GPC5: variants seen among roughly 807,000 people sequenced by gnomAD.
GPC5 encodes glypican 5.
A neutral mutation model predicts 53.9 loss-of-function variants in GPC5; 47 were observed. The ratio of observed to expected loss-of-function variants is 0.87; its 90% CI spans 0.69 to 1.11. The LOEUF is 1.11. GPC5 is among the 50% of genes most tolerant of loss of function. GPC5 has a pLI of 0.00. For missense variants in GPC5, 748 were observed against 713.1 expected (o/e 1.05, Z -0.56); for synonymous variants, 286 against 263.3 (o/e 1.09, Z -0.84).
chr13:92,362,489 C>A (rs1441866144), intron 7 of GPC5, among the ~76,000 whole-genome samples: 1 of 151,712 alleles, frequency 6.6e-6, no homozygotes, highest in Non-Finnish European at 1.5e-5. Flanking sequence ...AAAACTATGG[C>A]AAGATTTTGT....
chr13:92,497,997 T>G (rs1880040127), intron 7 of GPC5, among the ~76,000 whole-genome samples: 1 of 152,050 alleles, frequency 6.6e-6, no homozygotes, highest in South Asian at 2.1e-4. Flanking sequence ...GGGGCTGAGA[T>G]GATGGGGTTT....
chr13:91,758,388 A>AAATATGTTT (rs1399703679), intron 5 of GPC5, among the ~76,000 whole-genome samples: 1 of 152,072 alleles, frequency 6.6e-6, no homozygotes, highest in African/African-American at 2.4e-5. Flanking sequence ...TATATCATAT[A>AAATATGTTT]AATATGTTTA....
chr13:91,871,045 A>C (rs572120082), intron 5 of GPC5, among the ~76,000 whole-genome samples: 11 of 152,306 alleles, frequency 7.2e-5, no homozygotes, highest in African/African-American at 2.6e-4. Context: ...AGGTAATTTT[A>C]TTTTAGCCTT....
intron 2 of GPC5, among the ~76,000 whole-genome samples, chr13:91,449,177 A>G (rs1211962240): frequency 6.6e-6 from 1 of 152,122 alleles, no homozygotes; most frequent in African/African-American, 2.4e-5. Flanking sequence ...ATATACTGCT[A>G]TAGGGTTCTT....
chr13:91,419,911 G>A (rs1878492426), intron 1 of GPC5, among the ~76,000 whole-genome samples: 1 of 152,162 alleles, frequency 6.6e-6, no homozygotes, highest in Non-Finnish European at 1.5e-5. Context: ...TGGACCACAT[G>A]AAATTGTTAC....
intron 5 of GPC5, among the ~76,000 whole-genome samples, chr13:91,886,320 T>G (rs1270286900): frequency 6.6e-6 from 1 of 152,184 alleles, no homozygotes; most frequent in Non-Finnish European, 1.5e-5. Flanking sequence ...CATGATTCAA[T>G]TACCCTCCCA....
chr13:91,515,785 TC>T (rs1555317759), intron 2 of GPC5, among the ~76,000 whole-genome samples: 2 of 7,900 alleles, frequency 2.5e-4, no homozygotes, highest in Admixed American at 0.016. Flanking sequence ...TCTGTTTTAG[TC>T]TGTTTTCACG....
chr13:91,633,207 G>A (rs1318770570), intron 2 of GPC5, among the ~76,000 whole-genome samples: 1 of 152,104 alleles, frequency 6.6e-6, no homozygotes. Flanking sequence ...AATGCTAAGG[G>A]CCCACTGTAC....
At chr13:92,673,590 A>G (rs974787186) in intron 7 of GPC5, among the ~76,000 whole-genome samples, 2 of 152,118 alleles carry the variant, frequency 1.3e-5, no homozygotes, top group Non-Finnish European at 2.9e-5. Flanking sequence ...ATTGTGTTCT[A>G]TTCGTTTGTT....
At chr13:91,708,170 A>G (rs1358556967) in intron 3 of GPC5, among the ~76,000 whole-genome samples, 1 of 152,246 alleles carries the variant, frequency 6.6e-6, no homozygotes, top group Non-Finnish European at 1.5e-5. Context: ...CGGAAACAAG[A>G]CAAAGGCAAT....
At position 91,928,933 on chromosome 13, in the gene GPC5, G is replaced by A. The variant is rs768355634; in HGVS notation, c.1401+20876G>A. ...TTTAAAATTTTTACTCCAGAGAAACGGCAATATTTCACAGATTGTTTCTCA... is the reference window on the plus strand; with the variant it reads ...TTTAAAATTTTTACTCCAGAGAAACAGCAATATTTCACAGATTGTTTCTCA... On this transcript the variant is annotated intron_variant, in intron 6 of 7. Transcript: ENST00000377067. Among the ~76,000 whole-genome samples the A allele has an allele frequency of 3.3e-5, 5 of 152,022 alleles. No individual in the cohort carries two copies. The South Asian group carries it at 8.3e-4, about 25-fold the overall frequency.
At chr13:91,681,301 G>A (rs1234531403) in intron 2 of GPC5, among the ~76,000 whole-genome samples, 1 of 152,148 alleles carries the variant, frequency 6.6e-6, no homozygotes, top group African/African-American at 2.4e-5. Context: ...TACCAATAGA[G>A]GGTATAAGAG....
intron 6 of GPC5, among the ~76,000 whole-genome samples, chr13:92,053,607 T>C (rs1274221478): frequency 6.6e-6 from 1 of 152,158 alleles, no homozygotes; most frequent in East Asian, 1.9e-4. Context: ...ATTGTTTTTA[T>C]TATTATTTTG....
intron 5 of GPC5, among the ~76,000 whole-genome samples, chr13:91,841,157 A>T (rs1179186749): frequency 6.6e-6 from 1 of 151,864 alleles, no homozygotes; most frequent in Admixed American, 6.6e-5. Context: ...GCTTTTTCAC[A>T]CAGACAGATG....
intron 7 of GPC5, among the ~76,000 whole-genome samples, chr13:92,710,266 T>C (rs945716425): frequency 6.6e-6 from 1 of 152,126 alleles, no homozygotes; most frequent in African/African-American, 2.4e-5. Context: ...ATCCAACAGA[T>C]TGGTATTACT....
intron 2 of GPC5, among the ~76,000 whole-genome samples, chr13:91,536,414 C>G (rs1388477512): frequency 1.3e-5 from 2 of 152,160 alleles, no homozygotes; most frequent in Admixed American, 6.5e-5. Context: ...ATGAAGATAG[C>G]AGAACAGATC....
At chr13:92,477,543 T>C (rs1452536704) in intron 7 of GPC5, among the ~76,000 whole-genome samples, 1 of 152,178 alleles carries the variant, frequency 6.6e-6, no homozygotes, top group Non-Finnish European at 1.5e-5. Context: ...TTAATTGTTA[T>C]TTTCTTTCTA....
intron 1 of GPC5, among the ~76,000 whole-genome samples, chr13:91,403,888 T>C (rs1877133681): frequency 6.6e-6 from 1 of 151,682 alleles, no homozygotes. Flanking sequence ...ATTATAACTA[T>C]TGCTGTCAAC....
At chr13:91,976,137 G>A (rs1215613728) in intron 6 of GPC5, among the ~76,000 whole-genome samples, 1 of 152,094 alleles carries the variant, frequency 6.6e-6, no homozygotes, top group Non-Finnish European at 1.5e-5. Context: ...TGGGGGAGGG[G>A]GAAGGGATAG....
Sources: gnomAD v4.1 joint callset for allele counts (sites outside exome capture counted in the v4.1 genomes callset) on GRCh38, gnomAD v4.1.1 for gene constraint, MANE v1.5 for transcripts, NCBI Gene and HGNC (gene_info 2026-07-23, HGNC 2026-07-21) for gene names.